The following MCTP1 variants were observed in gnomAD, a reference collection of about 807,000 sequenced individuals.
The protein encoded by MCTP1 is multiple C2 and transmembrane domain-containing protein 1.
MCTP1 carries 69 observed loss-of-function variants against 120.6 expected under a neutral mutation model. The ratio of observed to expected loss-of-function variants is 0.57; its 90% confidence interval spans 0.47 to 0.70. The LOEUF (loss-of-function observed/expected upper bound fraction) is 0.70, where lower values mean the gene tolerates loss of function less well. Ranked by LOEUF, MCTP1 falls within the 30% of genes least tolerant of loss-of-function variation. The probability of loss-of-function intolerance (pLI) is 0.00; values close to 1 mark genes in which losing one functional copy is unlikely to be tolerated. For missense variants in MCTP1, 1,203 were observed against 1,248.8 expected (o/e 0.96, Z 0.55); for synonymous variants, 529 against 493.1 (o/e 1.07, Z -0.96).
At chr5:94,895,075 A>T (rs1408777644) in intron 10 of MCTP1, among the ~76,000 whole-genome samples, 2 of 152,124 alleles carry the variant, frequency 1.3e-5, no homozygotes, top group Non-Finnish European at 2.9e-5. Flanking sequence ...TTCTATTATT[A>T]CCCACTGTCA....
chr5:94,793,360 A>G (rs562220248), intron 18 of MCTP1: 1 of 152,232 alleles, frequency 6.6e-6, no homozygotes, highest in Non-Finnish European at 1.5e-5. Flanking sequence ...TTGGAAAACT[A>G]AAGGTCTGGT....
intron 1 of MCTP1, among the ~76,000 whole-genome samples, chr5:95,233,411 C>T (rs1355929266): frequency 6.6e-6 from 1 of 151,592 alleles, no homozygotes; most frequent in African/African-American, 2.4e-5. Context: ...TCACTGCAAA[C>T]TCTGCCTCCT....
intron 17 of MCTP1, among the ~76,000 whole-genome samples, chr5:94,813,306 A>G (rs1783831574): frequency 6.6e-6 from 1 of 152,218 alleles, no homozygotes; most frequent in Admixed American, 6.5e-5. Context: ...TAATCAGGAC[A>G]GAAAGCACTA....
At chr5:95,043,099 C>T (rs1842612950) in intron 1 of MCTP1, among the ~76,000 whole-genome samples, 1 of 152,146 alleles carries the variant, frequency 6.6e-6, no homozygotes, top group African/African-American at 2.4e-5. Flanking sequence ...CACCAGCTTA[C>T]ATTCCTACGG....
At chr5:95,038,129 T>C (rs1841688517) in intron 1 of MCTP1, 2 of 984,934 alleles carry the variant, frequency 2.0e-6, no homozygotes, top group African/African-American at 1.7e-5. Context: ...CAGCTGTGGA[T>C]GGAGTAGGAT....
At chr5:95,031,524 C>A (rs1310169047) in intron 1 of MCTP1, among the ~76,000 whole-genome samples, 2 of 152,100 alleles carry the variant, frequency 1.3e-5, no homozygotes, top group Non-Finnish European at 2.9e-5. Flanking sequence ...AATTTCACGT[C>A]CTCCTAAAAA....
At chr5:94,785,163 A>G (rs181012369) in intron 18 of MCTP1, among the ~76,000 whole-genome samples, 8 of 152,258 alleles carry the variant, frequency 5.3e-5, no homozygotes, top group Admixed American at 1.3e-4. Context: ...TCCATTAAGA[A>G]AGGCGAAACA....
At chr5:94,951,286 A>G (rs1053529175) in intron 3 of MCTP1, among the ~76,000 whole-genome samples, 4 of 152,182 alleles carry the variant, frequency 2.6e-5, no homozygotes, top group Non-Finnish European at 5.9e-5. Context: ...TGAAAAATGC[A>G]TCTTGGCATT....
chr5:95,135,478 G>T (rs1219046684), intron 1 of MCTP1, among the ~76,000 whole-genome samples: 6 of 152,218 alleles, frequency 3.9e-5, no homozygotes, highest in African/African-American at 1.4e-4. Context: ...TTGTTCCCAG[G>T]TGTATCTGTG....
At chr5:94,832,147 T>C (rs2153164311) in intron 17 of MCTP1, among the ~76,000 whole-genome samples, 1 of 152,202 alleles carries the variant, frequency 6.6e-6, no homozygotes, top group East Asian at 1.9e-4. Context: ...CACTTTGAGT[T>C]CATTATTCAA....
At chr5:95,019,350 T>C (rs968848161) in intron 1 of MCTP1, among the ~76,000 whole-genome samples, 16 of 152,050 alleles carry the variant, frequency 1.1e-4, no homozygotes, top group Non-Finnish European at 2.2e-4. Context: ...CACCACGCTG[T>C]GTATTGGATC....
chr5:95,249,275 C>T (rs1032306621), intron 1 of MCTP1, among the ~76,000 whole-genome samples: 1 of 151,966 alleles, frequency 6.6e-6, no homozygotes, highest in South Asian at 2.1e-4. Context: ...TGACAAAGGG[C>T]TAATATTCAG....
chr5:94,933,917 C>T (rs1247818114), intron 5 of MCTP1, among the ~76,000 whole-genome samples: 1 of 151,780 alleles, frequency 6.6e-6, no homozygotes, highest in African/African-American at 2.4e-5. Flanking sequence ...GATTGAGAAA[C>T]TGATACAATA....
chr5:94,949,386 A>T (rs1382776815), intron 3 of MCTP1, among the ~76,000 whole-genome samples: 3 of 152,116 alleles, frequency 2.0e-5, no homozygotes. Context: ...TTTAACTCCC[A>T]GTTTCTATTC....
At chr5:95,085,027 G>T (rs1320920616) in intron 1 of MCTP1, among the ~76,000 whole-genome samples, 1 of 151,950 alleles carries the variant, frequency 6.6e-6, no homozygotes, top group Non-Finnish European at 1.5e-5. Flanking sequence ...TATTCTCTAA[G>T]CCCACTGATC....
chr5:94,718,603 T>A (rs1463508173), intron 19 of MCTP1, among the ~76,000 whole-genome samples: 2 of 152,118 alleles, frequency 1.3e-5, no homozygotes, highest in Non-Finnish European at 2.9e-5. Flanking sequence ...CAGAAAATTT[T>A]TTCAATCACT....
chr5:94,710,319 A>C (rs1756433000), intron 21 of MCTP1: 1 of 152,644 alleles, frequency 6.6e-6, no homozygotes. Context: ...TGTTTAGTAC[A>C]CATAAAAGGA....
chr5:95,207,284 T>C (rs940330206), intron 1 of MCTP1, among the ~76,000 whole-genome samples: 2 of 152,068 alleles, frequency 1.3e-5, no homozygotes, highest in African/African-American at 4.8e-5. Flanking sequence ...GGGTGGTGAA[T>C]AGGGGGCTTA....
intron 18 of MCTP1, among the ~76,000 whole-genome samples, chr5:94,780,679 T>G (rs909890863): frequency 6.6e-6 from 1 of 152,168 alleles, no homozygotes; most frequent in Non-Finnish European, 1.5e-5. Flanking sequence ...ACAAGAAAGA[T>G]GGACTCTTGA....
Sources: gnomAD v4.1 joint callset for allele counts (sites outside exome capture counted in the v4.1 genomes callset) on GRCh38, gnomAD v4.1.1 for gene constraint, MANE v1.5 for transcripts, NCBI Gene and HGNC (gene_info 2026-07-23, HGNC 2026-07-21) for gene names.